Variants in CNRIP1 observed in about 807,000 individuals in gnomAD.
The protein encoded by CNRIP1 is cannabinoid receptor interacting protein 1.
CNRIP1 carries 10 observed loss-of-function variants against 15.2 expected under a neutral mutation model. The ratio of observed to expected loss-of-function variants is 0.66; its 90% CI spans 0.41 to 1.12. CNRIP1 has a LOEUF of 1.12. CNRIP1 is among the 50% of genes most tolerant of loss of function. CNRIP1 has a pLI of 0.00. For synonymous variants in CNRIP1, 91 were observed against 83.2 expected (o/e 1.09, Z -0.51); for missense variants, 211 against 214.7 (o/e 0.98, Z 0.11).
downstream of CNRIP1, among the ~76,000 whole-genome samples, chr2:68,288,880 G>C (rs564102954): frequency 6.6e-6 from 1 of 152,258 alleles, no homozygotes; most frequent in Admixed American, 6.5e-5. Context: ...ACAGTGATGG[G>C]GAGAAGAAAA....
intron 2 of CNRIP1, among the ~76,000 whole-genome samples, chr2:68,304,242 A>T (rs1439304175): frequency 6.6e-6 from 1 of 151,336 alleles, no homozygotes. Flanking sequence ...AAAAAAAAAA[A>T]ATACAAAAAT....
At chr2:68,304,420 G>A (rs911698583) in intron 2 of CNRIP1, among the ~76,000 whole-genome samples, 16 of 151,430 alleles carry the variant, frequency 1.1e-4, no homozygotes, top group African/African-American at 3.9e-4. Context: ...AATAAAGTTG[G>A]AGAGCCTTAG....
intron 2 of CNRIP1, among the ~76,000 whole-genome samples, chr2:68,299,780 A>G (rs1336082313): frequency 3.9e-5 from 6 of 152,356 alleles, no homozygotes; most frequent in East Asian, 1.9e-4. Flanking sequence ...CTTGTCCTCA[A>G]TAACAAATGA....
chr2:68,317,703 G>A (rs887343862), intron 1 of CNRIP1, among the ~76,000 whole-genome samples: 1 of 152,080 alleles, frequency 6.6e-6, no homozygotes, highest in African/African-American at 2.4e-5. Context: ...AATTCTCACT[G>A]GCATCATTCT....
chr2:68,298,941 G>T (rs1229143489), intron 2 of CNRIP1, among the ~76,000 whole-genome samples: 1 of 152,176 alleles, frequency 6.6e-6, no homozygotes, highest in Non-Finnish European at 1.5e-5. Flanking sequence ...ACCCAGGCAG[G>T]CTCCTGGGTG....
At chr2:68,314,762 A>T (rs898026532) in intron 2 of CNRIP1, among the ~76,000 whole-genome samples, 1 of 152,110 alleles carries the variant, frequency 6.6e-6, no homozygotes, top group African/African-American at 2.4e-5. Context: ...TTTTTGCAAT[A>T]TAAGAAATTT....
chr2:68,297,044 G>A (rs1444645032), intron 2 of CNRIP1, among the ~76,000 whole-genome samples: 2 of 152,070 alleles, frequency 1.3e-5, no homozygotes, highest in Non-Finnish European at 2.9e-5. Flanking sequence ...TGGGATTACA[G>A]GCATGAACCA....
chr2:68,305,149 CAGG>C (rs1671768500), intron 2 of CNRIP1, among the ~76,000 whole-genome samples: 2 of 151,030 alleles, frequency 1.3e-5, no homozygotes, highest in Non-Finnish European at 2.9e-5. Flanking sequence ...GAGGCTGAGG[CAGG>C]AGAATTGCTT....
At chr2:68,286,579 C>T (rs973547617) in intron 2 of CNRIP1, among the ~76,000 whole-genome samples, 4 of 152,156 alleles carry the variant, frequency 2.6e-5, no homozygotes, top group African/African-American at 9.7e-5. Flanking sequence ...CTTTTCTGAA[C>T]ATTCAAAAAA....
intron 2 of CNRIP1, among the ~76,000 whole-genome samples, chr2:68,301,451 A>T (rs1171338200): frequency 6.6e-6 from 1 of 152,188 alleles, no homozygotes; most frequent in Non-Finnish European, 1.5e-5. Flanking sequence ...TCCCTGTCAG[A>T]TGGGAAACAA....
At chr2:68,318,452 G>A (rs367863923) in intron 1 of CNRIP1, among the ~76,000 whole-genome samples, 1 of 152,138 alleles carries the variant, frequency 6.6e-6, no homozygotes, top group Non-Finnish European at 1.5e-5. Flanking sequence ...ACACTTTCCC[G>A]CCAGAGGTCT....
Position 68,294,045 on chromosome 2 carries a change from G to A in CNRIP1, c.331-19C>T. On this transcript the variant is annotated intron_variant, in intron 2 of 2. Transcript: ENST00000263655. ...CTGTGAACTGAGGGAAGAGAAACAT[G>A]CCTGATAAAAAACCTCATTCTGCCA... 2 of 1,610,356 alleles carry A rather than the reference G, an allele frequency of 1.2e-6. No homozygotes were observed. Among genetic ancestry groups the A allele is most frequent in the East Asian group, 2.2e-5 (1 of 44,798 alleles).
Position 68,284,601 on chromosome 2 carries a change from C to T in CNRIP1, c.331-117G>A, listed in dbSNP as rs1670982461. 9.0e-6 allele frequency: 5 copies of T among 554,854 alleles called. No homozygotes were observed. In the Admixed American group the frequency reaches 1.1e-4, roughly 12 times the overall value. The allele number at this position is 554,854 out of a possible 1,614,324, so 34.4% of individuals were successfully genotyped here. On this transcript the variant is annotated intron_variant, in intron 2 of 2. Coordinates refer to the CNRIP1 transcript ENST00000409559. ...CCAAGGCAGGCAGATCTCTTGAGGTCAGGAGTTCGAGACCAGCTGACCAAT... is the reference window on the plus strand; with the variant it reads ...CCAAGGCAGGCAGATCTCTTGAGGTTAGGAGTTCGAGACCAGCTGACCAAT...
chr2:68,314,081 C>A (rs1672189006), intron 2 of CNRIP1, among the ~76,000 whole-genome samples: 1 of 152,044 alleles, frequency 6.6e-6, no homozygotes, highest in Non-Finnish European at 1.5e-5. Flanking sequence ...TAGGATAAGA[C>A]CCTTGGTATA....
intron 2 of CNRIP1, among the ~76,000 whole-genome samples, chr2:68,314,083 C>A (rs1018111767): frequency 2.6e-5 from 4 of 152,044 alleles, no homozygotes; most frequent in Non-Finnish European, 4.4e-5. Flanking sequence ...GGATAAGACC[C>A]TTGGTATATA....
Position 68,319,660 on chromosome 2 carries a change from A to G in CNRIP1, c.-260T>C. ...CGGCTCCAAGGCCGCGCGCTTCCCC[A>G]TCCCCCGCTCCAGTGCTGCGCCCTC... On this transcript the variant is annotated 5_prime_UTR_variant, in exon 1 of 3. It removes an upstream start codon present in the reference 5' UTR. Transcript: ENST00000263655. 2.3e-6 allele frequency: 1 copy of G among 442,098 alleles called. No homozygotes were observed. Among genetic ancestry groups the G allele is most frequent in the Non-Finnish European group, 4.0e-6 (1 of 248,144 alleles). The allele number at this position is 442,098 out of a possible 1,614,324, so 27.4% of individuals were successfully genotyped here. A position where few individuals can be genotyped will look rare whatever the true frequency, so the allele number is the denominator to read the frequency against.
At chr2:68,317,543 C>A (rs188096717) in intron 1 of CNRIP1, among the ~76,000 whole-genome samples, 1 of 152,196 alleles carries the variant, frequency 6.6e-6, no homozygotes, top group Non-Finnish European at 1.5e-5. Context: ...AGTTTGGACA[C>A]TGGTACATTT....
chr2:68,286,077 G>A (rs1045187237), intron 2 of CNRIP1, among the ~76,000 whole-genome samples: 1 of 152,058 alleles, frequency 6.6e-6, no homozygotes, highest in Non-Finnish European at 1.5e-5. Flanking sequence ...GGCAAATTTG[G>A]TTAGCTATCC....
At chr2:68,284,543 G>T in intron 2 of CNRIP1, 1 of 1,147,346 alleles carries the variant, frequency 8.7e-7, no homozygotes, top group South Asian at 1.5e-5. Flanking sequence ...TAGGTGCAGT[G>T]ACTCACGCCC....
Sources: allele counts gnomAD v4.1 joint callset (sites outside exome capture counted in the v4.1 genomes callset), GRCh38; gene constraint gnomAD v4.1.1; transcripts MANE v1.5; gene names NCBI Gene and HGNC (gene_info 2026-07-23, HGNC 2026-07-21).